RNF216: variants seen among roughly 807,000 people sequenced by gnomAD.
The protein encoded by RNF216 is E3 ubiquitin-protein ligase RNF216.
RNF216 carries 72 observed loss-of-function variants against 110.8 expected under a neutral mutation model. The ratio of observed to expected loss-of-function variants is 0.65; its 90% CI spans 0.54 to 0.79. The LOEUF (loss-of-function observed/expected upper bound fraction) is 0.79, where lower values mean the gene tolerates loss of function less well. Among genes scored for constraint, RNF216 ranks in the 30% least tolerant of loss-of-function variants. The pLI is 0.00. For synonymous variants in RNF216, 495 were observed against 407.5 expected, an observed-to-expected ratio of 1.21 and a Z score of -2.59; for missense variants, 1,342 against 1,141.2, an observed-to-expected ratio of 1.18 and a Z score of -2.54.
intron 11 of RNF216, among the ~76,000 whole-genome samples, chr7:5,714,527 G>A (rs1205310236): frequency 1.3e-5 from 2 of 152,164 alleles, no homozygotes; most frequent in Non-Finnish European, 2.9e-5. Context: ...CAAAGTGCTG[G>A]GATTACAGGC....
intron 1 of RNF216, among the ~76,000 whole-genome samples, chr7:5,771,244 G>GC (rs755997444): frequency 6.6e-6 from 1 of 152,144 alleles, no homozygotes; most frequent in Non-Finnish European, 1.5e-5. Context: ...CCTTCCTCAT[G>GC]CCTTACACAA....
chr7:5,734,633 T>C (rs1794283186), intron 5 of RNF216, among the ~76,000 whole-genome samples: 1 of 135,044 alleles, frequency 7.4e-6, no homozygotes, highest in Admixed American at 7.1e-5. Flanking sequence ...AGGTAGAGTC[T>C]GTCGTTGAAA....
intron 13 of RNF216, among the ~76,000 whole-genome samples, chr7:5,655,491 C>T (rs1254671012): frequency 3.4e-5 from 5 of 146,802 alleles, no homozygotes; most frequent in Non-Finnish European, 7.8e-5. Context: ...CCAGCTGAGG[C>T]AATCCCTGTG....
intron 1 of RNF216, among the ~76,000 whole-genome samples, chr7:5,768,474 G>A (rs1192290289): frequency 6.6e-6 from 1 of 151,318 alleles, no homozygotes; most frequent in Non-Finnish European, 1.5e-5. Context: ...CAAAGAGCTT[G>A]ACCTAACTGA....
At chr7:5,642,568 A>G (rs887270320) in intron 14 of RNF216, among the ~76,000 whole-genome samples, 1 of 150,958 alleles carries the variant, frequency 6.6e-6, no homozygotes. Context: ...AACGGTTCAC[A>G]TGTCTCAGCT....
At chr7:5,759,514 G>A (rs1387737911) in intron 2 of RNF216, among the ~76,000 whole-genome samples, 1 of 151,854 alleles carries the variant, frequency 6.6e-6, no homozygotes, top group Non-Finnish European at 1.5e-5. Flanking sequence ...TTTATTGTAA[G>A]AATACAGTAT....
chr7:5,726,865 A>C (rs1423623753), intron 7 of RNF216, among the ~76,000 whole-genome samples: 5 of 152,088 alleles, frequency 3.3e-5, no homozygotes, highest in African/African-American at 1.2e-4. Flanking sequence ...CTTAAAAAAA[A>C]AAAAAAAAAG....
chr7:5,765,599 C>T (rs903927967), intron 1 of RNF216, among the ~76,000 whole-genome samples: 6 of 151,686 alleles, frequency 4.0e-5, no homozygotes, highest in Non-Finnish European at 7.4e-5. Context: ...CACTGCACTC[C>T]AGCCAGGGTG....
chr7:5,634,784 A>C (rs1290856352), intron 15 of RNF216, among the ~76,000 whole-genome samples: 3 of 152,220 alleles, frequency 2.0e-5, no homozygotes, highest in Admixed American at 2.0e-4. Flanking sequence ...TGCTGAAGAC[A>C]TGTAGCAACA....
intron 15 of RNF216, among the ~76,000 whole-genome samples, chr7:5,626,668 G>GT (rs1389110304): frequency 2.0e-5 from 3 of 147,492 alleles, no homozygotes; most frequent in Admixed American, 6.8e-5. Flanking sequence ...TGAAACTTGT[G>GT]TTAAAAAAAA....
chr7:5,664,647 C>A (rs973983398), intron 13 of RNF216, among the ~76,000 whole-genome samples: 1 of 152,138 alleles, frequency 6.6e-6, no homozygotes, highest in Admixed American at 6.5e-5. Context: ...CCTGGCTCTC[C>A]CCAACACCCC....
chr7:5,668,598 G>T (rs1789687968), intron 13 of RNF216, among the ~76,000 whole-genome samples: 1 of 152,134 alleles, frequency 6.6e-6, no homozygotes, highest in South Asian at 2.1e-4. Flanking sequence ...GGGGACAGGA[G>T]ATATGAACTG....
At chr7:5,654,008 C>A (rs1452109046) in intron 13 of RNF216, among the ~76,000 whole-genome samples, 1 of 152,142 alleles carries the variant, frequency 6.6e-6, no homozygotes, top group Non-Finnish European at 1.5e-5. Context: ...CTAGGAAGCC[C>A]CCAAAAGGTG....
At chr7:5,668,224 C>CTTTT (rs10693387) in intron 13 of RNF216, among the ~76,000 whole-genome samples, 5 of 139,898 alleles carry the variant, frequency 3.6e-5, no homozygotes, top group African/African-American at 1.3e-4. Flanking sequence ...GCAAAGCGGA[C>CTTTT]TTTTTTTTTT....
intron 3 of RNF216, among the ~76,000 whole-genome samples, chr7:5,742,944 G>A (rs1794843908): frequency 6.6e-6 from 1 of 152,064 alleles, no homozygotes. Flanking sequence ...GAATTTAGGA[G>A]AGAAATTTGG....
intron 1 of RNF216, among the ~76,000 whole-genome samples, chr7:5,761,370 C>T (rs1304339854): frequency 6.6e-6 from 1 of 151,866 alleles, no homozygotes; most frequent in South Asian, 2.1e-4. Flanking sequence ...GAAATGACAT[C>T]TTGATACAAA....
intron 1 of RNF216, among the ~76,000 whole-genome samples, chr7:5,773,058 G>A (rs1283112596): frequency 2.0e-5 from 3 of 152,116 alleles, no homozygotes; most frequent in East Asian, 3.9e-4. Flanking sequence ...GGGATTACAG[G>A]CATGAGCCAC....
Position 5,740,104 on chromosome 7 carries a change from C to CTTTTTTTTTT in RNF216, c.1045-762_1045-753dup, listed in dbSNP as rs71004698. Among the ~76,000 whole-genome samples the CTTTTTTTTTT allele has an allele frequency of 3.9e-4, 46 of 118,474 alleles. 1 individual carries two copies. The highest frequency in any genetic ancestry group is 6.3e-4 in the Non-Finnish European group (36 of 57,262). 77.7% of individuals were successfully genotyped at this position (118,474 alleles called of 152,430 possible). ...AAATAGTGGCTACCAGATGTAACAC[C>CTTTTTTTTTT]TTTTTTTTTTTTTTTTTTTTTTTTT... On this transcript the variant is annotated intron_variant, in intron 4 of 16. Coordinates refer to ENST00000389902, the MANE Select transcript of RNF216 (RefSeq NM_207111.4).
chr7:5,737,178 G>T (rs1342004395), intron 5 of RNF216, among the ~76,000 whole-genome samples: 1 of 152,230 alleles, frequency 6.6e-6, no homozygotes, highest in East Asian at 1.9e-4. Flanking sequence ...TCTGTACTAA[G>T]AAAAATTCTT....
Sources: allele counts gnomAD v4.1 joint callset (sites outside exome capture counted in the v4.1 genomes callset), GRCh38; gene constraint gnomAD v4.1.1; transcripts MANE v1.5; gene names NCBI Gene and HGNC (gene_info 2026-07-23, HGNC 2026-07-21).